Variants in BRI3 observed in about 807,000 individuals in gnomAD.
BRI3 encodes brain protein I3.
A neutral mutation model predicts 12.8 loss-of-function variants in BRI3; 6 were observed. The observed-to-expected ratio is 0.47, with a 90% CI of 0.26 to 0.93. BRI3 has a LOEUF of 0.93. Among genes scored for constraint, BRI3 ranks in the 40% least tolerant of loss-of-function variants. BRI3 has a pLI of 0.15. For synonymous variants in BRI3, 91 were observed against 76.1 expected (o/e 1.20, Z -1.02); for missense variants, 134 against 171.1 (o/e 0.78, Z 1.21).
upstream of BRI3, among the ~76,000 whole-genome samples, chr7:98,305,106 G>A (rs145525896): frequency 0.027 from 3,517 of 131,136 alleles, 146 homozygotes; most frequent in African/African-American, 0.098. Flanking sequence ...GGCCAGGCTA[G>A]TCTTGAACTC....
chr7:98,302,960 A>AT (rs1176572089), upstream of BRI3, among the ~76,000 whole-genome samples: 2 of 151,784 alleles, frequency 1.3e-5, no homozygotes, highest in African/African-American at 4.8e-5. Context: ...AATTTTTTAT[A>AT]TTTTTTGTCT....
chr7:98,312,768 G>A (rs1031503419), downstream of BRI3, among the ~76,000 whole-genome samples: 1 of 152,174 alleles, frequency 6.6e-6, no homozygotes, highest in Non-Finnish European at 1.5e-5. Context: ...CTGGGTGAGT[G>A]GTGGGCAGTG....
downstream of BRI3, chr7:98,293,699 G>C: frequency 8.9e-7 from 1 of 1,127,314 alleles, no homozygotes; most frequent in Non-Finnish European, 1.3e-6. Flanking sequence ...CTGGGCGGCT[G>C]ACCACCTCCC....
chr7:98,301,705 G>A (rs985600981), upstream of BRI3, among the ~76,000 whole-genome samples: 1 of 152,136 alleles, frequency 6.6e-6, no homozygotes, highest in African/African-American at 2.4e-5. Context: ...GTGTGGTGGG[G>A]GTTAGAGGGA....
chr7:98,310,629 G>A (rs2116872800), downstream of BRI3: 1 of 1,467,918 alleles, frequency 6.8e-7, no homozygotes, highest in Non-Finnish European at 9.1e-7. Context: ...TATTAGTATA[G>A]TGCAGAACCG....
chr7:98,295,019 CTG>C (rs773163028), downstream of BRI3, among the ~76,000 whole-genome samples: 38 of 152,340 alleles, frequency 2.5e-4, no homozygotes, highest in East Asian at 2.9e-3. Context: ...CAGTGTAACA[CTG>C]TGTAACCAGC....
chr7:98,298,009 C>T (rs116361659), intron 1 of BRI3, among the ~76,000 whole-genome samples: 338 of 150,094 alleles, frequency 2.3e-3, no homozygotes, highest in African/African-American at 8.1e-3. Context: ...GGCAGGAGGA[C>T]TGCCTGAGGT....
chr7:98,302,641 G>A (rs1431533687), upstream of BRI3, among the ~76,000 whole-genome samples: 1 of 152,186 alleles, frequency 6.6e-6, no homozygotes, highest in South Asian at 2.1e-4. Flanking sequence ...CACCCTCCAG[G>A]ACAAATGACT....
chr7:98,317,953 A>G, the BRI3 span, among the ~76,000 whole-genome samples: 46 of 120,756 alleles, frequency 3.8e-4, no homozygotes, highest in South Asian at 5.6e-4. Context: ...CGGGGCCCTC[A>G]CTCATTTCAC....
chr7:98,293,312 G>A (rs1800047020), downstream of BRI3: 1 of 500,022 alleles, frequency 2.0e-6, no homozygotes, highest in Non-Finnish European at 3.6e-6. Context: ...GGCTGAGCTG[G>A]TCATTAGACT....
rs1799954959 is a variant in BRI3 at position 98,291,518 on chromosome 7, T to TA, written c.*276dup. On this transcript the variant is annotated 3_prime_UTR_variant, in exon 3 of 3. Transcript: ENST00000297290. ...TAATGTTTTCAATAAATGAGATTCA[T>TA]ACCATTGTTGACCTGGTGCTGCTTA... is the stretch of plus-strand genomic sequence containing the variant. 1.6e-6 allele frequency: 2 copies of TA among 1,230,800 alleles called. No homozygotes were observed. Among genetic ancestry groups the TA allele is most frequent in the Non-Finnish European group, 2.0e-6 (2 of 978,320 alleles). The allele number at this position is 1,230,800 out of a possible 1,614,324, so 76.2% of individuals were successfully genotyped here. A position where few individuals can be genotyped will look rare whatever the true frequency, so the allele number is the denominator to read the frequency against.
upstream of BRI3, among the ~76,000 whole-genome samples, chr7:98,302,728 A>G (rs1800480155): frequency 6.6e-6 from 1 of 152,240 alleles, no homozygotes; most frequent in Admixed American, 6.5e-5. Flanking sequence ...CACGAGCCCT[A>G]TCCACCAATT....
chr7:98,320,047 C>A, the BRI3 span: 22 of 1,609,814 alleles, frequency 1.4e-5, no homozygotes, highest in Non-Finnish European at 1.8e-5. Flanking sequence ...GGAGGAAAAC[C>A]ATGCACTTAC....
exon 2 of BRI3, chr7:98,310,431 A>G: frequency 6.3e-7 from 1 of 1,576,262 alleles, no homozygotes; most frequent in Non-Finnish European, 8.6e-7. Flanking sequence ...AATAAATCAG[A>G]CTGAATCTCT....
the BRI3 span, chr7:98,320,064 A>G: frequency 1.5e-5 from 25 of 1,612,984 alleles, no homozygotes; most frequent in East Asian, 2.2e-5. Flanking sequence ...TTACGTTCAT[A>G]TATTTCACGT....
At chr7:98,297,855 AAGG>A (rs1439323898), downstream of BRI3, among the ~76,000 whole-genome samples, 1 of 152,200 alleles carries the variant, frequency 6.6e-6, no homozygotes, top group Non-Finnish European at 1.5e-5. Context: ...TGCTTTTACA[AAGG>A]AGAGCTGTGT....
At chr7:98,299,251 T>G (rs1234091699) in intron 1 of BRI3, among the ~76,000 whole-genome samples, 1 of 152,096 alleles carries the variant, frequency 6.6e-6, no homozygotes, top group East Asian at 1.9e-4. Context: ...ACTCTTGACA[T>G]CAGGTGATCC....
upstream of BRI3, among the ~76,000 whole-genome samples, chr7:98,305,128 T>A (rs1231130589): frequency 6.9e-6 from 1 of 144,380 alleles, no homozygotes; most frequent in African/African-American, 2.6e-5. Context: ...TGATCTCAGG[T>A]GATCTGCCCG....
chr7:98,313,271 T>C (rs1800943910), downstream of BRI3, among the ~76,000 whole-genome samples: 1 of 151,972 alleles, frequency 6.6e-6, no homozygotes, highest in African/African-American at 2.4e-5. Flanking sequence ...ACAAAACCAG[T>C]TTTCAGATAC....
Sources: gnomAD v4.1 joint callset for allele counts (sites outside exome capture counted in the v4.1 genomes callset) on GRCh38, gnomAD v4.1.1 for gene constraint, MANE v1.5 for transcripts, NCBI Gene and HGNC (gene_info 2026-07-23, HGNC 2026-07-21) for gene names.